The following RALGAPB variants were observed in gnomAD, a reference collection of about 807,000 sequenced individuals.
RALGAPB encodes ral GTPase-activating protein subunit beta.
A neutral mutation model predicts 161.1 loss-of-function variants in RALGAPB; 25 were observed. That is an observed-to-expected ratio of 0.16 (90% CI 0.11 to 0.22). The LOEUF (loss-of-function observed/expected upper bound fraction) is 0.22. RALGAPB is among the 10% of genes least tolerant of loss of function. The pLI is 1.00. For synonymous variants in RALGAPB, 629 were observed against 626.1 expected, an observed-to-expected ratio of 1.00 and a Z score of -0.07; for missense variants, 1,391 against 1,815.2, an observed-to-expected ratio of 0.77 and a Z score of 4.25.
chr20:38,505,167 G>A (rs1487570746), intron 5 of RALGAPB, among the ~76,000 whole-genome samples: 1 of 152,194 alleles, frequency 6.6e-6, no homozygotes, highest in Admixed American at 6.6e-5. Context: ...CAAAGACATG[G>A]AATCAGCCTA....
At chr20:38,560,051 GC>G (rs990290924) in intron 23 of RALGAPB, among the ~76,000 whole-genome samples, 1 of 151,958 alleles carries the variant, frequency 6.6e-6, no homozygotes, top group African/African-American at 2.4e-5. Context: ...TACACTAGAA[GC>G]ACTGTTTCAA....
chr20:38,540,534 G>C (rs2086934363), intron 17 of RALGAPB, among the ~76,000 whole-genome samples: 2 of 152,144 alleles, frequency 1.3e-5, no homozygotes, highest in South Asian at 4.1e-4. Context: ...GTAGTTTAAG[G>C]AATAATATTG....
chr20:38,558,547 T>C (rs1349109289), intron 23 of RALGAPB, 94 bp downstream of exon 23: 11 of 1,196,000 alleles, frequency 9.2e-6, no homozygotes, highest in Admixed American at 8.0e-5. Flanking sequence ...ATGGAGAGTT[T>C]ATTTGGGCCA....
At chr20:38,506,672 A>G (rs1292710383) in intron 5 of RALGAPB, among the ~76,000 whole-genome samples, 4 of 152,042 alleles carry the variant, frequency 2.6e-5, no homozygotes, top group Non-Finnish European at 5.9e-5. Flanking sequence ...CACATTTTGG[A>G]TTTGTCCACA....
intron 1 of RALGAPB, among the ~76,000 whole-genome samples, chr20:38,480,073 C>G (rs1326097842): frequency 2.0e-5 from 3 of 152,040 alleles, no homozygotes; most frequent in African/African-American, 7.3e-5. Context: ...CCTCCACCTC[C>G]TGGGTTCAAA....
chr20:38,534,922 A>C (rs895301283), intron 15 of RALGAPB, 152 bp from the exon 16 acceptor site: 3 of 922,262 alleles, frequency 3.3e-6, no homozygotes, highest in Non-Finnish European at 5.0e-6. Flanking sequence ...TTGGCACTCA[A>C]CCCAGTGGGG....
Position 38,517,520 on chromosome 20 carries a change from C to T in RALGAPB, c.1066C>T (p.Arg356Ter), listed in dbSNP as rs1273695312. 2 of 1,577,078 alleles carry T rather than the reference C, an allele frequency of 1.3e-6. No homozygotes were observed. Among genetic ancestry groups the T allele is most frequent in the Non-Finnish European group, 8.6e-7 (1 of 1,166,440 alleles). Residue 356 changes from arginine (R) to a stop codon, truncating the protein, a stop_gained, in exon 8 of 30, where the codon CGA (arginine) becomes TGA (stop). Transcript: ENST00000262879. LOFTEE classifies it high-confidence loss of function. ...TTTTTTTTAAGGTATTTCTAGACCC[C>T]GATCAGACAGTGCTCCCCCAACACC... The part of the protein sequence containing the change: ...VDAFLGISRP[R>*]SDSAPPTPVN...
At chr20:38,550,245 T>G (rs899275780) in intron 20 of RALGAPB, among the ~76,000 whole-genome samples, 11 of 152,132 alleles carry the variant, frequency 7.2e-5, no homozygotes, top group Non-Finnish European at 1.3e-4. Flanking sequence ...GTATACATAT[T>G]TAACTAACCT....
intron 7 of RALGAPB, chr20:38,516,718 G>C (rs2086136242): frequency 5.7e-6 from 1 of 175,300 alleles, no homozygotes; most frequent in African/African-American, 2.4e-5. Context: ...GATTGCAAAA[G>C]AAAAGAGTGT....
At chr20:38,509,732 C>T (rs1287842382) in intron 6 of RALGAPB, among the ~76,000 whole-genome samples, 1 of 152,194 alleles carries the variant, frequency 6.6e-6, no homozygotes, top group Non-Finnish European at 1.5e-5. Context: ...TTACTTGTCC[C>T]TCTTCCAGCC....
At chr20:38,476,726 C>G (rs1420712232) in intron 1 of RALGAPB, among the ~76,000 whole-genome samples, 2 of 152,220 alleles carry the variant, frequency 1.3e-5, no homozygotes, top group Non-Finnish European at 2.9e-5. Context: ...ATAGCTTAGC[C>G]TCATCTACCT....
chr20:38,539,658 G>A (rs1355168204), intron 16 of RALGAPB, 118 bp from the exon 17 acceptor site: 2 of 854,718 alleles, frequency 2.3e-6, no homozygotes, highest in Non-Finnish European at 3.4e-6. Flanking sequence ...ATATAAAAAA[G>A]CAAGGCTTCC....
intron 10 of RALGAPB, among the ~76,000 whole-genome samples, chr20:38,524,114 CG>C (rs2123133928): frequency 6.6e-6 from 1 of 152,188 alleles, no homozygotes; most frequent in South Asian, 2.1e-4. Context: ...TGTTGAATAA[CG>C]GGAGATTGAA....
At chr20:38,546,212 A>C (rs756088286) in intron 18 of RALGAPB, 31 bp from the exon 19 acceptor site, 2 of 1,611,858 alleles carry the variant, frequency 1.2e-6, no homozygotes, top group African/African-American at 1.3e-5. Flanking sequence ...TTGCTTTGGG[A>C]ATTAACTGTT....
rs182660143 is a variant in RALGAPB at position 38,490,865 on chromosome 20, G to A, written c.187-2065G>A. ...TTGCCATGTTGGCCAGGCTGGTCTC[G>A]AACTCCTGATCTCAGATGATCCACA... On this transcript the variant is annotated intron_variant, in intron 2 of 29. Transcript: ENST00000262879. 1.6e-4 allele frequency among the ~76,000 whole-genome samples: 24 copies of A among 152,194 alleles called. No homozygotes were observed. The East Asian group carries it at 4.3e-3, about 27-fold the overall frequency.
intron 1 of RALGAPB, among the ~76,000 whole-genome samples, chr20:38,483,153 T>A (rs6099885): frequency 0.073 from 11,154 of 152,272 alleles, 1,426 homozygotes; most frequent in African/African-American, 0.25. Flanking sequence ...CCTCCCATGG[T>A]GCTGGGATTA....
chr20:38,554,010 C>T lies in RALGAPB; in HGVS notation c.3306C>T (p.Ala1102=). 1 of 1,613,732 alleles carries T rather than the reference C, an allele frequency of 6.2e-7. No individual in the cohort carries two copies. Among genetic ancestry groups the T allele is most frequent in the Non-Finnish European group, 8.5e-7 (1 of 1,179,876 alleles). ...PVTDCKPPPP[A]QEFQTARLFL... ...CGGATTGCAAGCCCCCGCCTCCTGC[C>T]CAGGAATTCCAAACAGCCCGCCTTT... The change falls in exon 22 of 30, where the codon GCC becomes GCT. Residue 1102 remains alanine (A), a synonymous_variant. Coordinates refer to ENST00000262879, the MANE Select transcript of RALGAPB (RefSeq NM_020336.4).
chr20:38,517,150 A>C, intron 7 of RALGAPB, among the ~76,000 whole-genome samples: 1 of 152,182 alleles, frequency 6.6e-6, no homozygotes, highest in East Asian at 1.9e-4. Context: ...GTGAGTTCCA[A>C]ACATCCTGTC....
chr20:38,535,101 T>C lies in RALGAPB; in HGVS notation c.2273T>C (p.Leu758Pro). 1.2e-6 allele frequency: 2 copies of C among 1,614,050 alleles called. No individual in the cohort carries two copies. The highest frequency in any genetic ancestry group is 1.7e-6 in the Non-Finnish European group (2 of 1,179,890). The stretch of plus-strand genomic sequence containing the variant: ...CTTAATACAGATTCAGCTGCTGGGC[T>C]CCTGATTCGCAGCATTCATCTCGTC... Reference protein sequence around the residue: ...YALNTDSAAGLLIRSIHLVTQ... With the variant: ...YALNTDSAAGPLIRSIHLVTQ... Residue 758 changes from leucine (L) to proline (P), a missense_variant, in exon 16 of 30, where the codon CTC becomes CCC. Leu to Pro is a moderately conservative substitution (Grantham distance 98). This residue lies in a region of RALGAPB where 946 missense variants were observed against 1,257.2 expected (regional missense o/e 0.75). Coordinates refer to ENST00000262879, the MANE Select transcript of RALGAPB (RefSeq NM_020336.4).
Sources: allele counts gnomAD v4.1 joint callset (sites outside exome capture counted in the v4.1 genomes callset), GRCh38; gene constraint gnomAD v4.1.1; regional missense constraint gnomAD v4.1.1; transcripts MANE v1.5; gene names NCBI Gene and HGNC (gene_info 2026-07-23, HGNC 2026-07-21).